The following HOMEZ variants were observed in gnomAD, a reference collection of about 807,000 sequenced individuals.
HOMEZ encodes homeobox and leucine zipper encoding.
Under a neutral mutation model 50.1 loss-of-function variants are expected in HOMEZ, and 20 were observed. That is an observed-to-expected ratio of 0.40 (90% CI 0.28 to 0.58). The LOEUF (loss-of-function observed/expected upper bound fraction) is 0.58. Ranked by LOEUF, HOMEZ falls within the 20% of genes least tolerant of loss-of-function variation. The pLI, the probability that HOMEZ is intolerant of heterozygous loss-of-function variation, is 0.46. For synonymous variants in HOMEZ, 239 were observed against 254.7 expected, an observed-to-expected ratio of 0.94 and a Z score of 0.59; for missense variants, 579 against 680.5, an observed-to-expected ratio of 0.85 and a Z score of 1.66.
intron 1 of HOMEZ, among the ~76,000 whole-genome samples, chr14:23,282,761 T>C (rs1886583343): frequency 6.6e-6 from 1 of 152,228 alleles, no homozygotes; most frequent in African/African-American, 2.4e-5. Context: ...GGTGGCTTGA[T>C]GTCCTTCACA....
rs1445649649 is a variant in HOMEZ at position 23,276,532 on chromosome 14, C to T, written c.696G>A (p.Gln232=). ...GTGACTGGTTGGGACCCCTGCCTGC[C>T]TGCTCCTTTGAGAGGCCACTGCTTT... ...HLQSSGLSKE[Q]AGRGPNQSHG... Residue 232 remains glutamine (Q), a synonymous_variant, in exon 2 of 2, where the codon CAG becomes CAA. Coordinates refer to ENST00000357460, the MANE Select transcript of HOMEZ (RefSeq NM_020834.3). This position sits in a 1 kb window ranked among gnomAD's most constrained non-coding sequence, Gnocchi z 4.1. The T allele has an allele frequency of 6.2e-7, 1 of 1,614,050 alleles. No individual in the cohort carries two copies. Among genetic ancestry groups the T allele is most frequent in the South Asian group, 1.1e-5 (1 of 91,092 alleles).
chr14:23,275,957 A>T lies in HOMEZ; in HGVS notation c.1271T>A (p.Val424Glu). The change falls in exon 2 of 2, where the codon GTA (valine) becomes GAA (glutamate). Residue 424 changes from valine to glutamate, a missense_variant. Physicochemically the swap from Val to Glu is moderately radical, Grantham distance 121. Transcript: ENST00000357460. ...GQLKWFRDNA[V>E]PGAPSFQDPA... is the part of the protein sequence containing the mutation. ...GTCTTGGAAACTAGGGGCACCAGGT[A>T]CTGCGTTGTCCCGAAACCACTTTAG... The T allele has an allele frequency of 6.2e-7, 1 of 1,612,704 alleles. No individual in the cohort carries two copies.
Position 23,276,149 on chromosome 14 carries a change from G to T in HOMEZ, c.1079C>A (p.Thr360Asn), listed in dbSNP as rs1886349259. ...CAGCTGCTCTTTGGTTTTGCGCTTG[G>T]TCTTTCGCTGGCGTTGCATATCTGG... ...LSPDMQRQRKTKRKTKEQLAI... is the reference protein window; with the variant it reads ...LSPDMQRQRKNKRKTKEQLAI... The change falls in exon 2 of 2, where the codon ACC (threonine) becomes AAC (asparagine). Residue 360 changes from threonine (T) to asparagine (N), a missense_variant. Thr to Asn is a moderately conservative substitution (Grantham distance 65). Transcript: ENST00000357460. This position sits in a 1 kb window ranked among gnomAD's most constrained non-coding sequence, Gnocchi z 4.1. 6.2e-7 allele frequency: 1 copy of T among 1,613,812 alleles called. No homozygotes were observed.
At chr14:23,284,872 G>C (rs1886626217) in intron 1 of HOMEZ, 2 of 152,112 alleles carry the variant, frequency 1.3e-5, no homozygotes, top group South Asian at 4.1e-4. Flanking sequence ...TGCCTGAGTG[G>C]CTCTCAGACT....
At chr14:23,285,878 G>C (rs1886651336) in intron 1 of HOMEZ, 35 bp downstream of exon 1, 22 of 1,199,500 alleles carry the variant, frequency 1.8e-5, no homozygotes, top group Non-Finnish European at 2.2e-5. Context: ...TACACGAGCT[G>C]GGAGGGGAAG....
Position 23,276,470 on chromosome 14 carries a change from G to C in HOMEZ, c.758C>G (p.Thr253Ser), listed in dbSNP as rs370495792. 1.2e-6 allele frequency: 2 copies of C among 1,613,932 alleles called. No individual in the cohort carries two copies. Among genetic ancestry groups the C allele is most frequent in the Non-Finnish European group, 1.7e-6 (2 of 1,179,910 alleles). The change falls in exon 2 of 2, where the codon ACC (threonine) becomes AGC (serine). Residue 253 changes from threonine to serine, a missense_variant. Physicochemically the swap from Thr to Ser is moderately conservative, Grantham distance 58. Transcript: ENST00000357460. This position sits in a 1 kb window ranked among gnomAD's most constrained non-coding sequence, Gnocchi z 4.1. ...IGTASWNHST[T>S]VPQPQARDKP... ...ATCCCGAGCTTGTGGCTGGGGGACG[G>C]TTGTGGAGTGGTTCCAGGAAGCAGT...
At chr14:23,279,623 A>G (rs1424734931) in intron 1 of HOMEZ, among the ~76,000 whole-genome samples, 1 of 152,232 alleles carries the variant, frequency 6.6e-6, no homozygotes, top group Non-Finnish European at 1.5e-5. Flanking sequence ...AAGGCAAAGA[A>G]TTGAACATAC....
intron 1 of HOMEZ, among the ~76,000 whole-genome samples, chr14:23,284,320 A>C (rs908770707): frequency 8.5e-5 from 13 of 152,252 alleles, no homozygotes; most frequent in Non-Finnish European, 1.6e-4. Flanking sequence ...TGCGTCTAGA[A>C]GGGACAAAGT....
At chr14:23,278,392 G>T (rs887300714) in intron 1 of HOMEZ, among the ~76,000 whole-genome samples, 2 of 151,610 alleles carry the variant, frequency 1.3e-5, no homozygotes, top group Non-Finnish European at 1.5e-5. Context: ...AAGAGACAGG[G>T]TCTCACTCTG....
rs1421014468 is a variant in HOMEZ, at chr14:23,272,837, A to G, written c.*2738T>C. On this transcript the variant is annotated 3_prime_UTR_variant, in exon 2 of 2. Transcript: ENST00000357460. ...CTCTGCTGCAGACTCTCTACCAACA[A>G]CGGAGGCATATGGGATTACCCAGTG... 7 of 1,548,818 alleles carry G rather than the reference A, an allele frequency of 4.5e-6. No individual in the cohort carries two copies. The highest frequency in any genetic ancestry group is 6.1e-6 in the Non-Finnish European group (7 of 1,145,740).
At chr14:23,277,232 T>C (rs781204582) in intron 1 of HOMEZ, 45 bp from the exon 2 acceptor site, 1 of 1,460,444 alleles carries the variant, frequency 6.8e-7, no homozygotes, top group Non-Finnish European at 9.1e-7. Context: ...TCTCCTCTTC[T>C]GACACACTGC....
intron 1 of HOMEZ, among the ~76,000 whole-genome samples, chr14:23,278,103 G>A (rs2140503451): frequency 6.6e-6 from 1 of 151,594 alleles, no homozygotes; most frequent in African/African-American, 2.4e-5. Flanking sequence ...TGGAATTACA[G>A]GCATGAGTCA....
chr14:23,275,396 C>T lies in HOMEZ; in HGVS notation c.*179G>A. 1.4e-6 allele frequency: 1 copy of T among 698,860 alleles called. No homozygotes were observed. Among genetic ancestry groups the T allele is most frequent in the Non-Finnish European group, 2.3e-6 (1 of 428,554 alleles). The allele number at this position is 698,860 out of a possible 1,614,324, so 43.3% of individuals were successfully genotyped here. On this transcript the variant is annotated 3_prime_UTR_variant, in exon 2 of 2. Coordinates refer to ENST00000357460, the MANE Select transcript of HOMEZ (RefSeq NM_020834.3). ...GATCCAATCCCAGCCTTACTTAGTG[C>T]CCTATGGTCATTCTCCCTGGTCCAC...
Position 23,275,752 on chromosome 14 carries a change from G to T in HOMEZ, c.1476C>A (p.Thr492=), listed in dbSNP as rs753602279. 1 of 1,613,606 alleles carries T rather than the reference G, an allele frequency of 6.2e-7. No homozygotes were observed. Among genetic ancestry groups the T allele is most frequent in the Non-Finnish European group, 8.5e-7 (1 of 1,179,822 alleles). The part of the protein sequence containing the change: ...PQLSQASRLS[T]QQVLDWFDSR... ...AGTCAAACCAATCCAGCACCTGCTG[G>T]GTGCTAAGCCTTGATGCCTGACTCA... Residue 492 remains threonine (T), a synonymous_variant, in exon 2 of 2, where the codon ACC becomes ACA. Transcript: ENST00000357460.
chr14:23,272,508 C>T lies in HOMEZ; in HGVS notation c.*3067G>A, dbSNP rs1008287886. On this transcript the variant is annotated 3_prime_UTR_variant, in exon 2 of 2. Transcript: ENST00000357460. ...AAGGAAATGCCACCTCCTCAGAGGCCTAAGAACTCTGCCTCCCTGGTAGTC... is the reference window on the plus strand; with the variant it reads ...AAGGAAATGCCACCTCCTCAGAGGCTTAAGAACTCTGCCTCCCTGGTAGTC... The T allele has an allele frequency of 2.8e-6, 1 of 358,348 alleles. No homozygotes were observed. The highest frequency in any genetic ancestry group is 5.2e-6 in the Non-Finnish European group (1 of 193,338). 22.2% of individuals were successfully genotyped at this position (358,348 alleles called of 1,614,324 possible). A position where few individuals can be genotyped will look rare whatever the true frequency, so the allele number is the denominator to read the frequency against.
intron 1 of HOMEZ, among the ~76,000 whole-genome samples, chr14:23,284,296 C>T (rs1248155014): frequency 6.6e-6 from 1 of 152,194 alleles, no homozygotes; most frequent in East Asian, 1.9e-4. Flanking sequence ...TGATGGAATA[C>T]TCAAGAATTC....
At position 23,275,543 on chromosome 14, in the gene HOMEZ, A is replaced by G. The variant is rs938166110; in HGVS notation, c.*32T>C. 15 of 1,515,004 alleles carry G rather than the reference A, an allele frequency of 9.9e-6. No homozygotes were observed. The highest frequency in any genetic ancestry group is 1.3e-5 in the Non-Finnish European group (15 of 1,129,816). 93.8% of individuals were successfully genotyped at this position (1,515,004 alleles called of 1,614,324 possible). On this transcript the variant is annotated 3_prime_UTR_variant, in exon 2 of 2. Transcript: ENST00000357460. ...CAGTTACTAAGTTGGTTCATCTTTC[A>G]GTAACAGACCTCCCCTCCCCCAGCT... is the stretch of plus-strand genomic sequence containing the variant.
chr14:23,285,853 A>G, intron 1 of HOMEZ, 60 bp downstream of exon 1: 1 of 983,758 alleles, frequency 1.0e-6, no homozygotes, highest in Non-Finnish European at 1.3e-6. Context: ...ATGGGGCTCC[A>G]GAGGTGGGAG....
At chr14:23,284,265 A>G (rs1886615189) in intron 1 of HOMEZ, among the ~76,000 whole-genome samples, 1 of 152,236 alleles carries the variant, frequency 6.6e-6, no homozygotes. Context: ...GAACAGTTTG[A>G]TGTGAATGAA....
Sources: gnomAD v4.1 joint callset for allele counts (sites outside exome capture counted in the v4.1 genomes callset) on GRCh38, gnomAD v4.1.1 for gene constraint, Gnocchi (gnomAD v3.1) non-coding constraint, MANE v1.5 for transcripts, NCBI Gene and HGNC (gene_info 2026-07-23, HGNC 2026-07-21) for gene names.